The following GABBR1 variants were observed in gnomAD, a reference collection of about 807,000 sequenced individuals.
The protein encoded by GABBR1 is GABA-B receptor, R1 subunit.
A neutral mutation model predicts 117.7 loss-of-function variants in GABBR1; 35 were observed. The observed-to-expected ratio is 0.30, with a 90% CI of 0.23 to 0.39. The LOEUF (loss-of-function observed/expected upper bound fraction) is 0.39. GABBR1 is among the 10% of genes least tolerant of loss of function. The probability of loss-of-function intolerance (pLI) is 1.00; values close to 1 mark genes in which losing one functional copy is unlikely to be tolerated. For missense variants in GABBR1, 709 were observed against 1,241.8 expected (o/e 0.57, Z 6.45); for synonymous variants, 442 against 486.6 (o/e 0.91, Z 1.21).
chr6:29,626,466 T>C (rs1764281415), intron 6 of GABBR1, among the ~76,000 whole-genome samples: 1 of 151,996 alleles, frequency 6.6e-6, no homozygotes, highest in South Asian at 2.1e-4. Context: ...GTCACATCCT[T>C]CCCTGCACCC....
Position 29,609,130 on chromosome 6 carries a change from T to A in GABBR1, c.1859+99A>T, listed in dbSNP as rs1418300492. ...TCAGAATGAAAAACTCCATGATACA[T>A]GGCCATGGGAGTTACACAGGTTTTA... On this transcript the variant is annotated intron_variant, in intron 15 of 22. Transcript: ENST00000377034. This position sits in a 1 kb window ranked among gnomAD's most constrained non-coding sequence, Gnocchi z 4.3. 8.6e-7 allele frequency: 1 copy of A among 1,169,464 alleles called. No homozygotes were observed. Among genetic ancestry groups the A allele is most frequent in the Non-Finnish European group, 1.2e-6 (1 of 814,608 alleles). The allele number at this position is 1,169,464 out of a possible 1,614,324, so 72.4% of individuals were successfully genotyped here.
Position 29,613,340 on chromosome 6 carries a change from C to A in GABBR1, c.1469G>T (p.Arg490Leu), listed in dbSNP as rs780190021. ...GAAGTCCTCCAGGCGCACACCAGAA[C>A]GGCCGCCTCCTCCAGATGTCTTGTT... ...ALNKTSGGGG[R>L]SGVRLEDFNY... The change falls in exon 12 of 23, where the codon CGT becomes CTT. Residue 490 changes from arginine to leucine, a missense_variant. This residue lies in a region of GABBR1 where 38 missense variants were observed against 47.7 expected (regional missense o/e 0.80). Coordinates refer to ENST00000377034, the MANE Select transcript of GABBR1 (RefSeq NM_001470.4). The surrounding 1 kb of genome is among the most constrained non-coding windows in gnomAD (Gnocchi z 4.1). The A allele has an allele frequency of 1.9e-6, 3 of 1,613,090 alleles. No homozygotes were observed. The highest frequency in any genetic ancestry group is 2.5e-6 in the Non-Finnish European group (3 of 1,180,026).
rs1031901828 is a variant in GABBR1 at position 29,626,057 on chromosome 6, T to C, written c.657+1429A>G. On this transcript the variant is annotated intron_variant, in intron 6 of 22. Coordinates refer to ENST00000377034, the MANE Select transcript of GABBR1 (RefSeq NM_001470.4). ...AATACAGATAAATACTTGGGATTCA[T>C]CCCTGACCAAGGAGCTAGAATCTGT... 6.6e-5 allele frequency among the ~76,000 whole-genome samples: 10 copies of C among 152,326 alleles called. No homozygotes were observed. The South Asian group carries it at 1.4e-3, about 22-fold the overall frequency.
rs1441513426 is a variant in GABBR1 at position 29,632,046 on chromosome 6, A to T, written c.85+255T>A. The stretch of plus-strand genomic sequence containing the variant: ...TTGAGGTAGTAATGTGGGGCTGGGA[A>T]AGGGGATTGAGGCGGAGAAAATGCA... On this transcript the variant is annotated intron_variant, in intron 2 of 22. Transcript: ENST00000377034. This position sits in a 1 kb window ranked among gnomAD's most constrained non-coding sequence, Gnocchi z 5.8. Among the ~76,000 whole-genome samples the T allele has an allele frequency of 6.6e-6, 1 of 152,080 alleles. No homozygotes were observed. Among genetic ancestry groups the T allele is most frequent in the Non-Finnish European group, 1.5e-5 (1 of 68,016 alleles).
At chr6:29,624,756 T>G (rs1192564644) in intron 6 of GABBR1, among the ~76,000 whole-genome samples, 1 of 151,604 alleles carries the variant, frequency 6.6e-6, no homozygotes, top group Non-Finnish European at 1.5e-5. Context: ...GGCTTGGAGC[T>G]AGGGAAAGTA....
Position 29,619,422 on chromosome 6 carries a change from A to G in GABBR1, c.1323+1679T>C, listed in dbSNP as rs919926730. On this transcript the variant is annotated intron_variant, in intron 11 of 22. Coordinates refer to ENST00000377034, the MANE Select transcript of GABBR1 (RefSeq NM_001470.4). ...CCCTATGGCCTCAAAAGCAGGAACC[A>G]TCTTTCTCTAGACACAAAGTCAGAA... 5.3e-5 allele frequency among the ~76,000 whole-genome samples: 8 copies of G among 152,326 alleles called. No individual in the cohort carries two copies. The South Asian group carries it at 1.7e-3, about 32-fold the overall frequency.
chr6:29,623,747 T>C lies in GABBR1; in HGVS notation c.792+143A>G. ...AGGCCACTGTTGCTAGGAGGCTGCC[T>C]AGCTCAGGTCTGCAGAGGACTCTGA... On this transcript the variant is annotated intron_variant, in intron 7 of 22. Transcript: ENST00000377034. The surrounding 1 kb of genome is among the most constrained non-coding windows in gnomAD (Gnocchi z 6.2). 1 of 995,480 alleles carries C rather than the reference T, an allele frequency of 1.0e-6. No individual in the cohort carries two copies. 61.7% of individuals were successfully genotyped at this position (995,480 alleles called of 1,614,324 possible). A position where few individuals can be genotyped will look rare whatever the true frequency, so the allele number is the denominator to read the frequency against.
chr6:29,618,500 C>G (rs1406780398), intron 11 of GABBR1, among the ~76,000 whole-genome samples: 1 of 152,186 alleles, frequency 6.6e-6, no homozygotes, highest in Non-Finnish European at 1.5e-5. Context: ...AAATTTATAC[C>G]TAATTTTTTT....
chr6:29,628,033 G>A lies in GABBR1; in HGVS notation c.497-387C>T, dbSNP rs1462544554. 9.8e-6 allele frequency: 12 copies of A among 1,228,094 alleles called. No homozygotes were observed. The South Asian group carries it at 2.7e-4, about 28-fold the overall frequency. The allele number at this position is 1,228,094 out of a possible 1,614,324, so 76.1% of individuals were successfully genotyped here. The stretch of plus-strand genomic sequence containing the variant: ...CTGACTGACCGACGGAGGGGAGGAG[G>A]AGGAGCAGGAGGGAGATGTGGGGCT... On this transcript the variant is annotated intron_variant, in intron 5 of 22. Coordinates refer to ENST00000377034, the MANE Select transcript of GABBR1 (RefSeq NM_001470.4).
In GABBR1 at chr6:29,605,380, A is replaced by C. The variant is rs185255197; in HGVS notation, c.2439+189T>G. On this transcript the variant is annotated intron_variant, in intron 20 of 22. Transcript: ENST00000377034. The surrounding 1 kb of genome is among the most constrained non-coding windows in gnomAD (Gnocchi z 4.2). ...AATATCTACTTCACTGGGTAGTTGC[A>C]AGATTAATGATACAATGTCTGTAGT... 648 of 683,716 alleles carry C rather than the reference A, an allele frequency of 9.5e-4. 2 individuals are homozygous for C. Among genetic ancestry groups the C allele is most frequent in the Middle Eastern group, 1.7e-3 (4 of 2,352 alleles). The allele number at this position is 683,716 out of a possible 1,614,324, so 42.4% of individuals were successfully genotyped here. A position where few individuals can be genotyped will look rare whatever the true frequency, so the allele number is the denominator to read the frequency against.
intron 11 of GABBR1, among the ~76,000 whole-genome samples, chr6:29,615,507 G>A (rs1393531504): frequency 6.6e-6 from 1 of 151,106 alleles, no homozygotes; most frequent in Non-Finnish European, 1.5e-5. Context: ...TACTTGGGAA[G>A]CTGAGGTAGA....
At chr6:29,603,784 A>C in intron 22 of GABBR1, 68 bp from the exon 23 acceptor site, 8 of 1,254,716 alleles carry the variant, frequency 6.4e-6, no homozygotes, top group Non-Finnish European at 8.4e-6. Context: ...GAGGAGGGAA[A>C]GAGAGGAAGG....
chr6:29,603,141 T>G lies in GABBR1; in HGVS notation c.*402A>C. On this transcript the variant is annotated 3_prime_UTR_variant, in exon 23 of 23. Coordinates refer to ENST00000377034, the MANE Select transcript of GABBR1 (RefSeq NM_001470.4). ...CCCTTTGGGGTGGAAAGAGCACTTG[T>G]TGGGAGACCCCTGCTGGACAGGAAC... is the stretch of plus-strand genomic sequence containing the variant. 2.1e-6 allele frequency: 1 copy of G among 469,338 alleles called. No homozygotes were observed. Among genetic ancestry groups the G allele is most frequent in the Non-Finnish European group, 4.3e-6 (1 of 235,064 alleles). The allele number at this position is 469,338 out of a possible 1,614,324, so 29.1% of individuals were successfully genotyped here. A position where few individuals can be genotyped will look rare whatever the true frequency, so the allele number is the denominator to read the frequency against.
At chr6:29,619,532 T>C (rs1161974425) in intron 11 of GABBR1, among the ~76,000 whole-genome samples, 1 of 152,168 alleles carries the variant, frequency 6.6e-6, no homozygotes, top group Non-Finnish European at 1.5e-5. Context: ...CTCTCTCTTT[T>C]TGTTTAGAGC....
Position 29,605,808 on chromosome 6 carries a change from C to T in GABBR1, c.2312-112G>A. On this transcript the variant is annotated intron_variant, in intron 19 of 22. Transcript: ENST00000377034. The surrounding 1 kb of genome is among the most constrained non-coding windows in gnomAD (Gnocchi z 4.2). ...TCTGAAATGGAAAGGGGGCCCTCCT[C>T]TCCAATCCAACCCCTCTGACCTAGC... 3 of 1,316,266 alleles carry T rather than the reference C, an allele frequency of 2.3e-6. No individual in the cohort carries two copies. The highest frequency in any genetic ancestry group is 3.1e-6 in the Non-Finnish European group (3 of 960,548). The allele number at this position is 1,316,266 out of a possible 1,614,324, so 81.5% of individuals were successfully genotyped here. A position where few individuals can be genotyped will look rare whatever the true frequency, so the allele number is the denominator to read the frequency against.
chr6:29,622,937 AC>A lies in GABBR1; in HGVS notation c.963+367del, dbSNP rs1763908891. The stretch of plus-strand genomic sequence containing the variant: ...CTGTTCCCATTCACACCCACCCACC[AC>A]CCCCCTTGAAAGCCTCTGGAATCTG... On this transcript the variant is annotated intron_variant, in intron 8 of 22. Coordinates refer to ENST00000377034, the MANE Select transcript of GABBR1 (RefSeq NM_001470.4). This position sits in a 1 kb window ranked among gnomAD's most constrained non-coding sequence, Gnocchi z 4.6. Among the ~76,000 whole-genome samples the A allele has an allele frequency of 9.4e-6, 1 of 106,584 alleles. No individual in the cohort carries two copies. Among genetic ancestry groups the A allele is most frequent in the African/African-American group, 3.8e-5 (1 of 26,230 alleles). 69.9% of individuals were successfully genotyped at this position (106,584 alleles called of 152,430 possible). A position where few individuals can be genotyped will look rare whatever the true frequency, so the allele number is the denominator to read the frequency against.
Position 29,632,427 on chromosome 6 carries a change from G to T in GABBR1, c.1-42C>A. On this transcript the variant is annotated intron_variant, in intron 1 of 22. Transcript: ENST00000377034. The surrounding 1 kb of genome is among the most constrained non-coding windows in gnomAD (Gnocchi z 5.8). ...CATGAGGACTGGACCGAGCCCCGCC[G>T]GCGCGGCCCGCACCCGGAGACTACT... 1 of 1,311,718 alleles carries T rather than the reference G, an allele frequency of 7.6e-7. No individual in the cohort carries two copies. The highest frequency in any genetic ancestry group is 2.0e-5 in the South Asian group (1 of 50,702). 81.3% of individuals were successfully genotyped at this position (1,311,718 alleles called of 1,614,324 possible). A position where few individuals can be genotyped will look rare whatever the true frequency, so the allele number is the denominator to read the frequency against.
Position 29,630,824 on chromosome 6 carries a change from A to C in GABBR1, c.290-181T>G, listed in dbSNP as rs1764887277. Among the ~76,000 whole-genome samples the C allele has an allele frequency of 1.3e-5, 2 of 152,110 alleles. No homozygotes were observed. Among genetic ancestry groups the C allele is most frequent in the South Asian group, 4.1e-4 (2 of 4,832 alleles). Reference sequence around the variant, plus strand: ...CCCTTACCTGTGCAAGCATCCACACATTCCCAAAAGAAAAAAAAAATTACC... The same window carrying C: ...CCCTTACCTGTGCAAGCATCCACACCTTCCCAAAAGAAAAAAAAAATTACC... On this transcript the variant is annotated intron_variant, in intron 3 of 22. Transcript: ENST00000377034. This position sits in a 1 kb window ranked among gnomAD's most constrained non-coding sequence, Gnocchi z 4.9.
In GABBR1 at chr6:29,631,501, CAT is replaced by C; in HGVS notation, c.182_183del (p.Tyr61Ter). 1 of 1,614,234 alleles carries C rather than the reference CAT, an allele frequency of 6.2e-7. No homozygotes were observed. Among genetic ancestry groups the C allele is most frequent in the Non-Finnish European group, 8.5e-7 (1 of 1,180,052 alleles). ...TCCCCCCGGCACACATACTCAATCTCATAGTCCACTGGCAGGAAGTTGATAGC... is the reference window on the plus strand; with the variant it reads ...TCCCCCCGGCACACATACTCAATCTCAGTCCACTGGCAGGAAGTTGATAGC... Reference protein sequence around the residue: ...VKAINFLPVDYEIEYVCRGER... With the variant: ...VKAINFLPVDXEIEYVCRGER... On this transcript the variant is annotated frameshift_variant, in exon 3 of 23. Transcript: ENST00000377034. LOFTEE classifies it high-confidence loss of function. This position sits in a 1 kb window ranked among gnomAD's most constrained non-coding sequence, Gnocchi z 5.9.
Sources: allele counts gnomAD v4.1 joint callset (sites outside exome capture counted in the v4.1 genomes callset), GRCh38; gene constraint gnomAD v4.1.1; regional missense constraint gnomAD v4.1.1; non-coding constraint Gnocchi (gnomAD v3.1); transcripts MANE v1.5; gene names NCBI Gene and HGNC (gene_info 2026-07-23, HGNC 2026-07-21).